The following TATDN1 variants were observed in gnomAD, a reference collection of about 807,000 sequenced individuals.
TATDN1 encodes deoxyribonuclease TATDN1.
TATDN1 carries 40 observed loss-of-function variants against 46.4 expected under a neutral mutation model. The observed-to-expected ratio is 0.86, with a 90% confidence interval of 0.67 to 1.12. The LOEUF (loss-of-function observed/expected upper bound fraction) is 1.12. Ranked by LOEUF, TATDN1 falls within the 50% of genes most tolerant of loss-of-function variation. TATDN1 has a pLI of 0.00. For missense variants in TATDN1, 326 were observed against 348.4 expected, an observed-to-expected ratio of 0.94 and a Z score of 0.51; for synonymous variants, 95 against 105.6, an observed-to-expected ratio of 0.90 and a Z score of 0.62.
chr8:124,519,468 AACAT>A (rs1415597245), intron 3 of TATDN1, among the ~76,000 whole-genome samples: 9 of 152,228 alleles, frequency 5.9e-5, no homozygotes, highest in Middle Eastern at 3.2e-3. Context: ...GATTTGAAAA[AACAT>A]ACAACTGTAC....
At chr8:124,523,037 G>A in intron 1 of TATDN1, 35 bp from the exon 2 acceptor site, 1 of 1,562,768 alleles carries the variant, frequency 6.4e-7, no homozygotes, top group Non-Finnish European at 8.8e-7. Context: ...TAATTATTGA[G>A]TCTCTACATG....
intron 10 of TATDN1, chr8:124,495,134 C>G (rs1211269444): frequency 3.3e-6 from 1 of 303,842 alleles, no homozygotes. Context: ...ACTGTGTAAA[C>G]AAAATTCTGA....
chr8:124,521,916 A>G (rs931882693), intron 3 of TATDN1: 1 of 348,252 alleles, frequency 2.9e-6, no homozygotes, highest in African/African-American at 2.1e-5. Flanking sequence ...TTTTTTTTCA[A>G]GGAGCTTTTG....
intron 1 of TATDN1, among the ~76,000 whole-genome samples, chr8:124,536,006 G>C (rs1002573543): frequency 3.3e-5 from 5 of 152,176 alleles, no homozygotes; most frequent in African/African-American, 1.2e-4. Flanking sequence ...ATTTGGAGGG[G>C]ACAAATATCT....
chr8:124,489,353 C>G (rs1816718298), intron 11 of TATDN1: 1 of 152,020 alleles, frequency 6.6e-6, no homozygotes, highest in East Asian at 1.9e-4. Context: ...TTCTCTGTCT[C>G]TCTCTTCCTT....
chr8:124,494,079 T>C, intron 10 of TATDN1, 120 bp from the exon 11 acceptor site: 1 of 950,488 alleles, frequency 1.1e-6, no homozygotes, highest in Non-Finnish European at 1.5e-6. Flanking sequence ...AATGGCACAG[T>C]TATTTCAACA....
chr8:124,504,896 G>A (rs1470249337), intron 8 of TATDN1, among the ~76,000 whole-genome samples: 2 of 149,992 alleles, frequency 1.3e-5, no homozygotes, highest in Admixed American at 6.6e-5. Context: ...ACAAGCATGC[G>A]CCACCACGCC....
chr8:124,519,654 G>T (rs1819855922), intron 3 of TATDN1, among the ~76,000 whole-genome samples: 1 of 152,124 alleles, frequency 6.6e-6, no homozygotes, highest in South Asian at 2.1e-4. Flanking sequence ...CTCTTTGGGG[G>T]TCCTCAATAA....
chr8:124,524,645 A>G (rs1399138560), intron 1 of TATDN1, among the ~76,000 whole-genome samples: 1 of 152,216 alleles, frequency 6.6e-6, no homozygotes, highest in Non-Finnish European at 1.5e-5. Flanking sequence ...AACACTTGTC[A>G]AAGACTCTGA....
chr8:124,534,125 A>G (rs181324866), intron 1 of TATDN1, among the ~76,000 whole-genome samples: 5,202 of 135,184 alleles, frequency 0.038, 134 homozygotes, highest in Middle Eastern at 0.057. Context: ...CAGCCTGGGC[A>G]ACAGAGCGAG....
chr8:124,518,614 G>A lies in TATDN1; in HGVS notation c.202+204C>T. 4.1e-6 allele frequency: 2 copies of A among 490,938 alleles called. 1 individual carries two copies. The highest frequency in any genetic ancestry group is 6.0e-5 in the South Asian group (2 of 33,426). 30.4% of individuals were successfully genotyped at this position (490,938 alleles called of 1,614,324 possible). ...GAAATCTTAAAATAATCTTCATTGA[G>A]CAGTATGAAACAGTTTTATAAACAT... On this transcript the variant is annotated intron_variant, in intron 4 of 11. Transcript: ENST00000276692.
At chr8:124,518,099 C>G (rs952529062) in intron 4 of TATDN1, among the ~76,000 whole-genome samples, 2 of 150,558 alleles carry the variant, frequency 1.3e-5, no homozygotes, top group East Asian at 3.9e-4. Flanking sequence ...GTAGTCCCAG[C>G]TACATGGGAG....
intron 3 of TATDN1, among the ~76,000 whole-genome samples, chr8:124,520,220 C>T (rs572198781): frequency 1.2e-4 from 18 of 151,906 alleles, no homozygotes; most frequent in Non-Finnish European, 1.9e-4. Context: ...ATGGATCACC[C>T]GTGGTCAGGA....
Position 124,518,247 on chromosome 8 carries a change from G to A in TATDN1, c.202+571C>T, listed in dbSNP as rs528976559. ...AAAAAAAAAAAAAAAAAAAAAGGCC[G>A]GGTGCAGTGGCTCACGCCTGTAATC... On this transcript the variant is annotated intron_variant, in intron 4 of 11. Coordinates refer to ENST00000276692, the MANE Select transcript of TATDN1 (RefSeq NM_032026.4). 6.3e-3 allele frequency among the ~76,000 whole-genome samples: 885 copies of A among 141,280 alleles called. 9 individuals are homozygous for A. Among genetic ancestry groups the A allele is most frequent in the African/African-American group, 0.022 (845 of 37,718 alleles). 92.7% of individuals were successfully genotyped at this position (141,280 alleles called of 152,430 possible). A position where few individuals can be genotyped will look rare whatever the true frequency, so the allele number is the denominator to read the frequency against.
At chr8:124,515,156 G>C (rs1029335369) in intron 6 of TATDN1, among the ~76,000 whole-genome samples, 1 of 152,118 alleles carries the variant, frequency 6.6e-6, no homozygotes, top group Non-Finnish European at 1.5e-5. Flanking sequence ...CGAGGCGGGT[G>C]GATCATTTGA....
chr8:124,494,723 ATT>A (rs34109803), intron 10 of TATDN1: 200 of 137,916 alleles, frequency 1.5e-3, no homozygotes, highest in South Asian at 5.4e-3. Flanking sequence ...AATTTTTTGT[ATT>A]TTTTTTTTTT....
chr8:124,514,733 C>A (rs964825413), intron 6 of TATDN1, among the ~76,000 whole-genome samples: 1 of 152,148 alleles, frequency 6.6e-6, no homozygotes, highest in Non-Finnish European at 1.5e-5. Context: ...TAACACTCAC[C>A]CACCAGTATG....
intron 1 of TATDN1, among the ~76,000 whole-genome samples, chr8:124,530,657 G>A (rs573598410): frequency 6.6e-6 from 1 of 152,334 alleles, no homozygotes; most frequent in East Asian, 1.9e-4. Context: ...GTCCTCAGGA[G>A]TGGGGGTCAT....
Position 124,495,540 on chromosome 8 carries a change from G to A in TATDN1, c.596C>T (p.Ser199Leu). The A allele has an allele frequency of 6.3e-7, 1 of 1,593,974 alleles. No individual in the cohort carries two copies. The highest frequency in any genetic ancestry group is 1.1e-5 in the South Asian group (1 of 87,082). Residue 199 changes from serine to leucine, a missense_variant and splice_region_variant, in exon 10 of 12, where the codon TCA (serine) becomes TTA (leucine). Ser to Leu is a moderately radical substitution (Grantham distance 145, BLOSUM62 -2). Coordinates refer to ENST00000276692, the MANE Select transcript of TATDN1 (RefSeq NM_032026.4). ...TTCCAAATTAGCTTCAGTTTTCAGT[G>A]AGCTTAAAAAAAAGTGTATATTTAT... ...LDLYIGFNGC[S>L]LKTEANLEVL...
Sources: allele counts gnomAD v4.1 joint callset (sites outside exome capture counted in the v4.1 genomes callset), GRCh38; gene constraint gnomAD v4.1.1; transcripts MANE v1.5; gene names NCBI Gene and HGNC (gene_info 2026-07-23, HGNC 2026-07-21).